The following CDH18 variants were observed in gnomAD, a reference collection of about 807,000 sequenced individuals.
CDH18 encodes cadherin-18.
CDH18 carries 31 observed loss-of-function variants against 67.9 expected under a neutral mutation model. That is an observed-to-expected ratio of 0.46 (90% CI 0.34 to 0.62). CDH18 has a LOEUF of 0.62. Among genes scored for constraint, CDH18 ranks in the 20% least tolerant of loss-of-function variants. CDH18 has a pLI of 0.01. For missense variants in CDH18, 890 were observed against 975.5 expected (o/e 0.91, Z 1.17); for synonymous variants, 362 against 347.2 (o/e 1.04, Z -0.48).
chr5:19,594,896 C>G (rs1209983539), intron 6 of CDH18, among the ~76,000 whole-genome samples: 2 of 152,048 alleles, frequency 1.3e-5, no homozygotes, highest in African/African-American at 4.8e-5. Context: ...GATGCCCACT[C>G]TTACCACTTC....
At chr5:20,431,579 T>A (rs888767453) in intron 1 of CDH18, among the ~76,000 whole-genome samples, 2 of 151,490 alleles carry the variant, frequency 1.3e-5, no homozygotes, top group African/African-American at 4.9e-5. Context: ...CTATTGGTTA[T>A]ACAACTAGGA....
chr5:19,818,793 C>T (rs1220351130), intron 3 of CDH18, among the ~76,000 whole-genome samples: 1 of 152,040 alleles, frequency 6.6e-6, no homozygotes, highest in African/African-American at 2.4e-5. Flanking sequence ...CACTATAGTC[C>T]ATCATATATT....
chr5:20,406,430 T>TGA (rs200092427), intron 1 of CDH18, among the ~76,000 whole-genome samples: 2 of 142,810 alleles, frequency 1.4e-5, no homozygotes, highest in African/African-American at 5.4e-5. Context: ...CCGGGGCCTG[T>TGA]TGTGGGGGAG....
At chr5:20,403,637 A>G (rs1260287599) in intron 1 of CDH18, among the ~76,000 whole-genome samples, 1 of 152,196 alleles carries the variant, frequency 6.6e-6, no homozygotes, top group African/African-American at 2.4e-5. Context: ...TGGGCTCAAA[A>G]TATTTATTAA....
At chr5:20,520,250 T>G (rs976644537) in intron 1 of CDH18, among the ~76,000 whole-genome samples, 3 of 152,032 alleles carry the variant, frequency 2.0e-5, no homozygotes, top group African/African-American at 7.2e-5. Context: ...CAGAGAAATG[T>G]TTCTATAATT....
intron 2 of CDH18, among the ~76,000 whole-genome samples, chr5:20,044,360 T>C (rs1481512225): frequency 2.0e-5 from 3 of 152,144 alleles, no homozygotes; most frequent in Non-Finnish European, 4.4e-5. Flanking sequence ...GGTTTTTTAT[T>C]ATGATGTACC....
At chr5:19,489,980 CT>C (rs1000304922) in intron 11 of CDH18, among the ~76,000 whole-genome samples, 2 of 151,926 alleles carry the variant, frequency 1.3e-5, no homozygotes, top group Admixed American at 1.3e-4. Flanking sequence ...ATAAGAACAG[CT>C]GTTTTTTTAA....
intron 4 of CDH18, among the ~76,000 whole-genome samples, chr5:19,739,783 T>C (rs1035711775): frequency 1.3e-5 from 2 of 152,206 alleles, no homozygotes; most frequent in African/African-American, 4.8e-5. Flanking sequence ...CTGAACATTA[T>C]GCCCCAGGGT....
Position 19,932,447 on chromosome 5 carries a change from T to C in CDH18, c.-257+48613A>G, listed in dbSNP as rs1793804291. The stretch of plus-strand genomic sequence containing the variant: ...TAACATGCTGGGTTTCTCAATGTCT[T>C]TACTTCCTCTTCATCAAAGATAGCT... On this transcript the variant is annotated intron_variant, in intron 2 of 12. Transcript: ENST00000382275. 2.0e-5 allele frequency among the ~76,000 whole-genome samples: 3 copies of C among 151,598 alleles called. No homozygotes were observed. The Admixed American group carries it at 2.0e-4, about 10-fold the overall frequency.
intron 1 of CDH18, among the ~76,000 whole-genome samples, chr5:20,345,711 C>A (rs1304610391): frequency 6.6e-6 from 1 of 152,034 alleles, no homozygotes; most frequent in East Asian, 1.9e-4. Context: ...TGCCATGAAT[C>A]TCCTGAAAAA....
intron 3 of CDH18, among the ~76,000 whole-genome samples, chr5:19,838,472 G>A (rs1412195608): frequency 6.6e-6 from 1 of 152,098 alleles, no homozygotes. Context: ...TCCATTAAGT[G>A]TTTCCAACTT....
chr5:19,783,197 C>T (rs1498107), intron 3 of CDH18, among the ~76,000 whole-genome samples: 68,053 of 151,524 alleles, frequency 0.45, 15,546 homozygotes, highest in East Asian at 0.63. Flanking sequence ...TTATGTAACA[C>T]GAGGCAAGAT....
chr5:20,133,930 A>T (rs1312859217), intron 2 of CDH18, among the ~76,000 whole-genome samples: 1 of 152,084 alleles, frequency 6.6e-6, no homozygotes, highest in East Asian at 1.9e-4. Flanking sequence ...TCTGCTCATC[A>T]CATTATATAT....
chr5:20,131,717 T>C (rs1749281787), intron 2 of CDH18, among the ~76,000 whole-genome samples: 2 of 152,194 alleles, frequency 1.3e-5, no homozygotes, highest in Admixed American at 1.3e-4. Flanking sequence ...TATGCTATAT[T>C]GATTTATGTA....
intron 2 of CDH18, among the ~76,000 whole-genome samples, chr5:20,077,629 A>C (rs1436010351): frequency 6.6e-6 from 1 of 152,248 alleles, no homozygotes; most frequent in Non-Finnish European, 1.5e-5. Context: ...GAAAAGAAGA[A>C]TTGTTTTTAA....
intron 1 of CDH18, among the ~76,000 whole-genome samples, chr5:20,416,728 C>T (rs1447851213): frequency 2.6e-5 from 4 of 151,820 alleles, no homozygotes; most frequent in South Asian, 2.1e-4. Flanking sequence ...GAATAAAAGA[C>T]TAGTAATGAA....
intron 1 of CDH18, among the ~76,000 whole-genome samples, chr5:20,518,747 G>A (rs1045606319): frequency 2.3e-4 from 35 of 152,232 alleles, no homozygotes; most frequent in South Asian, 4.1e-4. Flanking sequence ...CAGTTTATCC[G>A]TCGTATTCAG....
intron 2 of CDH18, among the ~76,000 whole-genome samples, chr5:20,171,506 G>A (rs1188847541): frequency 2.6e-5 from 4 of 151,704 alleles, no homozygotes; most frequent in African/African-American, 7.3e-5. Context: ...TTGGCCACAT[G>A]TATGTCTTCT....
intron 8 of CDH18, among the ~76,000 whole-genome samples, chr5:19,560,700 G>T (rs1030139297): frequency 5.9e-5 from 9 of 151,970 alleles, no homozygotes; most frequent in African/African-American, 2.2e-4. Context: ...CACAGTAAAA[G>T]AAATAATCAG....
Sources: allele counts gnomAD v4.1 joint callset (sites outside exome capture counted in the v4.1 genomes callset), GRCh38; gene constraint gnomAD v4.1.1; transcripts MANE v1.5; gene names NCBI Gene and HGNC (gene_info 2026-07-23, HGNC 2026-07-21).